The following PBRM1 variants were observed in gnomAD, a reference collection of about 807,000 sequenced individuals.
PBRM1 encodes the protein protein polybromo-1.
In PBRM1, 27 loss-of-function variants were observed where a neutral mutation model predicts 194.5. The observed-to-expected ratio is 0.14, with a 90% CI of 0.10 to 0.19. PBRM1 has a LOEUF of 0.19. Ranked by LOEUF, PBRM1 falls within the 10% of genes least tolerant of loss-of-function variation. The pLI, the probability that PBRM1 is intolerant of heterozygous loss-of-function variation, is 1.00. For synonymous variants in PBRM1, 655 were observed against 693.2 expected (o/e 0.94, Z 0.87); for missense variants, 1,466 against 2,077.2 (o/e 0.71, Z 5.72).
intron 2 of PBRM1, among the ~76,000 whole-genome samples, chr3:52,674,333 T>C (rs2097031884): frequency 6.7e-6 from 1 of 148,972 alleles, no homozygotes; most frequent in Non-Finnish European, 1.5e-5. Context: ...AATACAAAAT[T>C]AGCTGGGCGT....
chr3:52,580,405 C>G (rs1026772628), intron 20 of PBRM1, among the ~76,000 whole-genome samples: 7 of 151,970 alleles, frequency 4.6e-5, no homozygotes, highest in African/African-American at 1.7e-4. Flanking sequence ...GTCGCCCAGG[C>G]TGGAGTGCAG....
chr3:52,571,473 AC>A (rs1200529841), intron 22 of PBRM1, among the ~76,000 whole-genome samples: 2 of 150,354 alleles, frequency 1.3e-5, no homozygotes, highest in African/African-American at 2.5e-5. Context: ...TAAAATACAA[AC>A]AATTATCCTG....
downstream of PBRM1, chr3:52,546,696 A>G (rs2079725531): frequency 4.3e-6 from 1 of 232,780 alleles, no homozygotes. Flanking sequence ...CATGCCGCCA[A>G]GTGAAACAAT....
rs1257240496 is a variant in PBRM1 at position 52,667,749 on chromosome 3, A to C, written c.384+749T>G. The stretch of plus-strand genomic sequence containing the variant: ...GCCTGGGCAATAGACTTTGCCTCAA[A>C]AAAAAAAAAAAAAAAAAAAAATTTC... On this transcript the variant is annotated intron_variant, in intron 3 of 29. Coordinates refer to ENST00000296302, the Ensembl canonical transcript of PBRM1. Among the ~76,000 whole-genome samples the C allele has an allele frequency of 1.6e-4, 23 of 143,142 alleles. No individual in the cohort carries two copies. In the East Asian group the frequency reaches 4.4e-3, roughly 28 times the overall value. The allele number at this position is 143,142 out of a possible 152,430, so 93.9% of individuals were successfully genotyped here. A position where few individuals can be genotyped will look rare whatever the true frequency, so the allele number is the denominator to read the frequency against.
At chr3:52,624,584 G>A (rs1311017828) in intron 13 of PBRM1, among the ~76,000 whole-genome samples, 1 of 152,218 alleles carries the variant, frequency 6.6e-6, no homozygotes, top group Non-Finnish European at 1.5e-5. Flanking sequence ...GCACCTGCCA[G>A]TCCTGCACCA....
chr3:52,596,239 AC>A (rs1396389172), intron 17 of PBRM1, among the ~76,000 whole-genome samples: 1 of 151,856 alleles, frequency 6.6e-6, no homozygotes, highest in Non-Finnish European at 1.5e-5. Flanking sequence ...AGAGATCAAG[AC>A]CATCCTGGCC....
intron 2 of PBRM1, among the ~76,000 whole-genome samples, chr3:52,676,568 T>A (rs2097109498): frequency 6.6e-6 from 1 of 152,190 alleles, no homozygotes; most frequent in Non-Finnish European, 1.5e-5. Context: ...TTCTTCCCAG[T>A]CTCGGGTATG....
chr3:52,637,836 A>T (rs1407871051), intron 10 of PBRM1, among the ~76,000 whole-genome samples: 2 of 147,048 alleles, frequency 1.4e-5, no homozygotes, highest in Non-Finnish European at 3.0e-5. Context: ...AATCCTAGCT[A>T]CCCGGAGGCT....
chr3:52,664,974 T>C (rs995098739), intron 3 of PBRM1, among the ~76,000 whole-genome samples: 2 of 152,030 alleles, frequency 1.3e-5, no homozygotes, highest in African/African-American at 4.8e-5. Flanking sequence ...CATCTAAATA[T>C]ATCACAATGA....
upstream of PBRM1, among the ~76,000 whole-genome samples, chr3:52,680,981 C>T (rs2097194917): frequency 6.6e-6 from 1 of 151,892 alleles, no homozygotes; most frequent in Non-Finnish European, 1.5e-5. Context: ...GGTATTGATC[C>T]TTCAGCCCCT....
intron 22 of PBRM1, among the ~76,000 whole-genome samples, chr3:52,573,049 G>T (rs1400850469): frequency 6.6e-6 from 1 of 152,100 alleles, no homozygotes; most frequent in East Asian, 1.9e-4. Flanking sequence ...TTATATGCCT[G>T]TTGTCCTACC....
rs530884060 is a variant in PBRM1 at position 52,639,531 on chromosome 3, T to C, written c.1087+2423A>G. On this transcript the variant is annotated intron_variant, in intron 10 of 29. Transcript: ENST00000296302. Reference sequence around the variant, plus strand: ...CCCAGGCTCAAGTGATCCTCCCAACTCCGCCTCTGGAGTAGCTACATATGG... The same window carrying C: ...CCCAGGCTCAAGTGATCCTCCCAACCCCGCCTCTGGAGTAGCTACATATGG... Among the ~76,000 whole-genome samples, 75 of 151,912 alleles carry C rather than the reference T, an allele frequency of 4.9e-4. 4 individuals are homozygous for C. The South Asian group carries it at 0.015, about 30-fold the overall frequency.
chr3:52,621,716 C>A (rs1338784064), intron 13 of PBRM1, among the ~76,000 whole-genome samples: 3 of 152,128 alleles, frequency 2.0e-5, no homozygotes, highest in Non-Finnish European at 4.4e-5. Flanking sequence ...TAAAGGAATT[C>A]AAAATCAGGA....
chr3:52,592,066 C>T (rs1400037424), intron 17 of PBRM1, among the ~76,000 whole-genome samples: 2 of 150,844 alleles, frequency 1.3e-5, no homozygotes, highest in Non-Finnish European at 3.0e-5. Context: ...ACCTTGTGAT[C>T]CACCCGCCTC....
chr3:52,620,747 G>C (rs1307551636), intron 13 of PBRM1, among the ~76,000 whole-genome samples: 1 of 152,114 alleles, frequency 6.6e-6, no homozygotes, highest in Non-Finnish European at 1.5e-5. Context: ...GAAATTTACT[G>C]TTTTAGCACT....
intron 17 of PBRM1, 88 bp downstream of exon 19, chr3:52,603,433 C>T (rs2094140204): frequency 2.9e-6 from 4 of 1,382,134 alleles, no homozygotes; most frequent in South Asian, 1.4e-5. Flanking sequence ...TTCATTCATA[C>T]AAACAGGACT....
upstream of PBRM1, among the ~76,000 whole-genome samples, chr3:52,682,590 T>C (rs1222476223): frequency 6.6e-6 from 1 of 152,194 alleles, no homozygotes; most frequent in African/African-American, 2.4e-5. Flanking sequence ...TTCTTATCCA[T>C]GGGACACATT....
intron 20 of PBRM1, among the ~76,000 whole-genome samples, chr3:52,583,129 G>A (rs1576106376): frequency 6.7e-6 from 1 of 149,286 alleles, no homozygotes; most frequent in African/African-American, 2.5e-5. Flanking sequence ...AACTAATAGG[G>A]GCGGGGGCGG....
chr3:52,587,408 T>A, exon 19 of PBRM1: 1 of 1,610,350 alleles, frequency 6.2e-7, no homozygotes, highest in Non-Finnish European at 8.5e-7. Flanking sequence ...AACTTTGTTG[T>A]AATAGTCACT....
Sources: allele counts gnomAD v4.1 joint callset (sites outside exome capture counted in the v4.1 genomes callset), GRCh38; gene constraint gnomAD v4.1.1; transcripts MANE v1.5; gene names NCBI Gene and HGNC (gene_info 2026-07-23, HGNC 2026-07-21).